RGS6: variants seen among roughly 807,000 people sequenced by gnomAD.
RGS6 encodes regulator of G protein signaling 6.
A neutral mutation model predicts 78.5 loss-of-function variants in RGS6; 30 were observed. The observed-to-expected ratio is 0.38, with a 90% CI of 0.29 to 0.52. The LOEUF is 0.52. Among genes scored for constraint, RGS6 ranks in the 20% least tolerant of loss-of-function variants. The pLI is 0.85. For missense variants in RGS6, 495 were observed against 609.7 expected (o/e 0.81, Z 1.98); for synonymous variants, 206 against 206.0 (o/e 1.00, Z 0.00).
chr14:72,272,356 G>T (rs8010242), intron 2 of RGS6, among the ~76,000 whole-genome samples: 17,462 of 152,262 alleles, frequency 0.11, 1,050 homozygotes, highest in East Asian at 0.2. Context: ...GTAATCAGGA[G>T]ACTTGGATTT....
At chr14:72,622,126 A>G in the RGS6 span, among the ~76,000 whole-genome samples, 1 of 152,198 alleles carries the variant, frequency 6.6e-6, no homozygotes, top group Non-Finnish European at 1.5e-5. Flanking sequence ...CCTTGAAATG[A>G]TACACACAAT....
chr14:72,161,436 G>C (rs2096851755), intron 2 of RGS6, among the ~76,000 whole-genome samples: 1 of 152,130 alleles, frequency 6.6e-6, no homozygotes, highest in Non-Finnish European at 1.5e-5. Flanking sequence ...ACAGACTTTT[G>C]CTTGCGTTGA....
intron 2 of RGS6, among the ~76,000 whole-genome samples, chr14:72,043,984 C>T (rs1420873966): frequency 2.6e-5 from 4 of 152,120 alleles, no homozygotes; most frequent in Non-Finnish European, 5.9e-5. Flanking sequence ...TTCTTCTCTG[C>T]CCACCTCCCA....
intron 2 of RGS6, among the ~76,000 whole-genome samples, chr14:72,030,558 G>A (rs891187686): frequency 1.3e-5 from 2 of 152,136 alleles, no homozygotes; most frequent in Admixed American, 1.3e-4. Context: ...AAAATTAGAT[G>A]ATCAAATTAT....
chr14:72,574,160 C>T, the RGS6 span, among the ~76,000 whole-genome samples: 1 of 152,228 alleles, frequency 6.6e-6, no homozygotes, highest in Non-Finnish European at 1.5e-5. Flanking sequence ...TGACACTTCT[C>T]ACTCCTAAGC....
rs796405309 is a variant in RGS6 at position 72,323,649 on chromosome 14, A to G, written c.85-28446A>G. Among the ~76,000 whole-genome samples the G allele has an allele frequency of 1.8e-4, 27 of 151,702 alleles. 1 individual carries two copies. The highest frequency in any genetic ancestry group is 6.0e-4 in the African/African-American group (25 of 41,418). ...AAACCCTGTCTCTACTAAATATACA[A>G]ATATTAGCTGGGTGTGGTAGTGGGC... is the stretch of plus-strand genomic sequence containing the variant. On this transcript the variant is annotated intron_variant, in intron 2 of 17. Coordinates refer to ENST00000553525, the MANE Select transcript of RGS6 (RefSeq NM_001204424.2).
chr14:72,282,961 G>A (rs927678083), intron 2 of RGS6, among the ~76,000 whole-genome samples: 2 of 152,194 alleles, frequency 1.3e-5, no homozygotes, highest in African/African-American at 4.8e-5. Context: ...TGGCAACCAC[G>A]ATTCTACTCT....
intron 3 of RGS6, among the ~76,000 whole-genome samples, chr14:72,354,980 AAGATGTTTG>A (rs999060968): frequency 2.0e-5 from 3 of 152,040 alleles, no homozygotes; most frequent in African/African-American, 7.2e-5. Flanking sequence ...AATAATGTTT[AAGATGTTTG>A]TATCTATTTC....
In RGS6 at chr14:72,467,725, G is replaced by A. The variant is rs76405965; in HGVS notation, c.459+1903G>A. On this transcript the variant is annotated intron_variant, in intron 7 of 17. Transcript: ENST00000553525. The stretch of plus-strand genomic sequence containing the variant: ...TTGCATTATCAGATGATCATATGTT[G>A]GAATATTATGATCTCCCCAGATAAA... 8.4e-3 allele frequency among the ~76,000 whole-genome samples: 1,283 copies of A among 152,232 alleles called. 6 individuals are homozygous for A. The highest frequency in any genetic ancestry group is 0.014 in the Non-Finnish European group (933 of 68,010).
intron 3 of RGS6, among the ~76,000 whole-genome samples, chr14:72,412,683 G>A (rs12436232): frequency 0.18 from 27,336 of 151,828 alleles, 2,816 homozygotes; most frequent in South Asian, 0.33. Flanking sequence ...TAGACCTTTC[G>A]TGCTTTCTCT....
chr14:71,969,475 C>T (rs554976687), intron 2 of RGS6, among the ~76,000 whole-genome samples: 4 of 152,258 alleles, frequency 2.6e-5, no homozygotes, highest in Admixed American at 2.6e-4. Flanking sequence ...ATGTCTTCTA[C>T]ATCCAGAAGG....
At chr14:72,607,024 T>A in the RGS6 span, among the ~76,000 whole-genome samples, 1 of 152,148 alleles carries the variant, frequency 6.6e-6, no homozygotes, top group Admixed American at 6.5e-5. Flanking sequence ...AAATTACCCA[T>A]CCTCAGGCAT....
At chr14:72,551,859 G>GTTGT (rs781456419) in intron 17 of RGS6, among the ~76,000 whole-genome samples, 28 of 152,348 alleles carry the variant, frequency 1.8e-4, no homozygotes, top group Non-Finnish European at 3.5e-4. Flanking sequence ...CCATCACTTA[G>GTTGT]TTGTTTGAAT....
At position 72,466,860 on chromosome 14, in the gene RGS6, C is replaced by T. The variant is rs1312512416; in HGVS notation, c.459+1038C>T. 2.6e-5 allele frequency among the ~76,000 whole-genome samples: 4 copies of T among 152,164 alleles called. No homozygotes were observed. In the East Asian group the frequency reaches 7.7e-4, roughly 29 times the overall value. ...TCAAATTTACTACATAATAACATTTCAAATTAAAATTTTAAATTGCACCTT... is the reference window on the plus strand; with the variant it reads ...TCAAATTTACTACATAATAACATTTTAAATTAAAATTTTAAATTGCACCTT... On this transcript the variant is annotated intron_variant, in intron 7 of 17. Coordinates refer to ENST00000553525, the MANE Select transcript of RGS6 (RefSeq NM_001204424.2).
At chr14:72,419,299 G>A (rs189445767) in intron 3 of RGS6, among the ~76,000 whole-genome samples, 15 of 152,284 alleles carry the variant, frequency 9.9e-5, no homozygotes, top group African/African-American at 2.9e-4. Context: ...TTATCTGCAC[G>A]GCAGCTGTAT....
intron 12 of RGS6, among the ~76,000 whole-genome samples, chr14:72,481,020 C>G (rs929281893): frequency 6.6e-6 from 1 of 152,076 alleles, no homozygotes; most frequent in Admixed American, 6.5e-5. Context: ...ACTTTGCAAA[C>G]TAAAGGGGCA....
At chr14:72,045,365 T>A (rs1374963766) in intron 2 of RGS6, among the ~76,000 whole-genome samples, 8 of 152,184 alleles carry the variant, frequency 5.3e-5, no homozygotes, top group South Asian at 2.1e-4. Flanking sequence ...GTATAAGGTT[T>A]TATGTTAATC....
chr14:72,119,627 A>G (rs1597900880), intron 2 of RGS6, among the ~76,000 whole-genome samples: 2 of 152,204 alleles, frequency 1.3e-5, no homozygotes, highest in Non-Finnish European at 2.9e-5. Flanking sequence ...GCCATCTATG[A>G]GCAAAGGCCA....
At chr14:72,215,906 A>G (rs1036912047) in intron 2 of RGS6, among the ~76,000 whole-genome samples, 1 of 152,192 alleles carries the variant, frequency 6.6e-6, no homozygotes, top group Non-Finnish European at 1.5e-5. Context: ...AGAAGTTACT[A>G]TTTATTCCTA....
Sources: gnomAD v4.1 joint callset for allele counts (sites outside exome capture counted in the v4.1 genomes callset) on GRCh38, gnomAD v4.1.1 for gene constraint, MANE v1.5 for transcripts, NCBI Gene and HGNC (gene_info 2026-07-23, HGNC 2026-07-21) for gene names.